Variants in ST8SIA1 observed in about 807,000 individuals in gnomAD.
ST8SIA1 encodes ST8 alpha-N-acetyl-neuraminide alpha-2,8-sialyltransferase 1, also known as alpha-N-acetylneuraminide alpha-2,8-sialyltransferase.
Under a neutral mutation model 35.9 loss-of-function variants are expected in ST8SIA1, and 16 were observed. The observed-to-expected ratio is 0.45, with a 90% CI of 0.30 to 0.68. The LOEUF (loss-of-function observed/expected upper bound fraction) is 0.68, where lower values mean the gene tolerates loss of function less well. Among genes scored for constraint, ST8SIA1 ranks in the 30% least tolerant of loss-of-function variants. The probability of loss-of-function intolerance (pLI) is 0.09; values close to 1 mark genes in which losing one functional copy is unlikely to be tolerated. For missense variants in ST8SIA1, 383 were observed against 453.6 expected (o/e 0.84, Z 1.41); for synonymous variants, 170 against 169.6 (o/e 1.00, Z -0.02).
chr12:22,219,926 C>A (rs1031748310), intron 4 of ST8SIA1, among the ~76,000 whole-genome samples: 6 of 152,136 alleles, frequency 3.9e-5, no homozygotes, highest in Admixed American at 1.3e-4. Context: ...TTCACATGAA[C>A]CTTTTTAATC....
Position 22,334,237 on chromosome 12 carries a change from G to A in ST8SIA1, c.-5C>T. 1 of 1,608,736 alleles carries A rather than the reference G, an allele frequency of 6.2e-7. No individual in the cohort carries two copies. The highest frequency in any genetic ancestry group is 8.5e-7 in the Non-Finnish European group (1 of 1,177,738). ...GGCCCGCCCGCAGGGGCTCATCGCA[G>A]CCCCGGCGTCCCAGGGGCGGGGGCC... On this transcript the variant is annotated 5_prime_UTR_variant, in exon 1 of 5. Coordinates refer to ENST00000396037, the MANE Select transcript of ST8SIA1 (RefSeq NM_003034.4).
chr12:22,210,489 A>G (rs79029916), intron 4 of ST8SIA1, among the ~76,000 whole-genome samples: 261 of 152,260 alleles, frequency 1.7e-3, no homozygotes, highest in African/African-American at 5.8e-3. Context: ...AATCAGTTTT[A>G]CAGCAGACAC....
chr12:22,273,373 A>G (rs1865934005), intron 2 of ST8SIA1, among the ~76,000 whole-genome samples: 2 of 152,184 alleles, frequency 1.3e-5, no homozygotes, highest in South Asian at 2.1e-4. Context: ...TCACAAATCA[A>G]TCAATACAAG....
intron 4 of ST8SIA1, among the ~76,000 whole-genome samples, chr12:22,210,985 T>C (rs1327130357): frequency 1.3e-5 from 2 of 152,238 alleles, no homozygotes; most frequent in Non-Finnish European, 2.9e-5. Flanking sequence ...TGTCATTTTC[T>C]TTTTTCTGTC....
intron 3 of ST8SIA1, among the ~76,000 whole-genome samples, chr12:22,252,953 G>C (rs970048313): frequency 1.3e-5 from 2 of 152,182 alleles, no homozygotes; most frequent in South Asian, 4.1e-4. Context: ...TCTGTGAGTT[G>C]AATACTACGT....
chr12:22,235,426 T>C (rs1865466433), intron 4 of ST8SIA1, among the ~76,000 whole-genome samples: 1 of 152,192 alleles, frequency 6.6e-6, no homozygotes, highest in Admixed American at 6.5e-5. Context: ...AATAAAGTAA[T>C]AGAAATATTC....
Position 22,197,277 on chromosome 12 carries a change from G to A in ST8SIA1, c.*4275C>T, listed in dbSNP as rs1316896232. On this transcript the variant is annotated 3_prime_UTR_variant, in exon 5 of 5. Coordinates refer to ENST00000396037, the MANE Select transcript of ST8SIA1 (RefSeq NM_003034.4). ...AAGTTTGCGTCAAGTTCACATAAAC[G>A]TCCTTACAGCTTTTGATCTTTGGAA... is the stretch of plus-strand genomic sequence containing the variant. The A allele has an allele frequency of 6.6e-6, 1 of 152,152 alleles. No individual in the cohort carries two copies. Among genetic ancestry groups the A allele is most frequent in the African/African-American group, 2.4e-5 (1 of 41,432 alleles). 9.4% of individuals were successfully genotyped at this position (152,152 alleles called of 1,614,324 possible).
chr12:22,329,619 C>A (rs1383869018), intron 1 of ST8SIA1, among the ~76,000 whole-genome samples: 2 of 152,138 alleles, frequency 1.3e-5, no homozygotes, highest in Non-Finnish European at 2.9e-5. Context: ...ATGGCTGCAC[C>A]TATGCTCCTC....
At chr12:22,292,304 C>T (rs1010284286) in intron 1 of ST8SIA1, among the ~76,000 whole-genome samples, 1 of 152,110 alleles carries the variant, frequency 6.6e-6, no homozygotes, top group African/African-American at 2.4e-5. Flanking sequence ...CTGCTTTATT[C>T]TTCTCTCTAG....
At chr12:22,288,432 C>T (rs1866130824) in intron 1 of ST8SIA1, among the ~76,000 whole-genome samples, 2 of 152,178 alleles carry the variant, frequency 1.3e-5, no homozygotes, top group African/African-American at 4.8e-5. Context: ...GTAGAGCAAA[C>T]ACTGAAAGTT....
chr12:22,288,035 A>C (rs970219632), intron 1 of ST8SIA1, among the ~76,000 whole-genome samples: 5 of 152,026 alleles, frequency 3.3e-5, no homozygotes, highest in Non-Finnish European at 7.4e-5. Context: ...CACTGGGGTA[A>C]CCTCACCCTT....
intron 2 of ST8SIA1, among the ~76,000 whole-genome samples, chr12:22,268,355 G>A (rs987624442): frequency 5.3e-5 from 8 of 152,194 alleles, no homozygotes; most frequent in South Asian, 2.1e-4. Context: ...CAATTCAAGC[G>A]GGTAACATAA....
In ST8SIA1 at chr12:22,232,334, C is replaced by T. The variant is rs543411745; in HGVS notation, c.584+16672G>A. Among the ~76,000 whole-genome samples, 24 of 152,112 alleles carry T rather than the reference C, an allele frequency of 1.6e-4. No individual in the cohort carries two copies. In the East Asian group the frequency reaches 1.9e-3, roughly 12 times the overall value. ...GGAGGTGAATAATGGTCATAAAATA[C>T]GAAAGTAGAGCCACCGTAATTTAGC... On this transcript the variant is annotated intron_variant, in intron 4 of 4. Transcript: ENST00000396037.
intron 1 of ST8SIA1, among the ~76,000 whole-genome samples, chr12:22,296,939 T>C (rs928208869): frequency 6.6e-5 from 10 of 152,188 alleles, no homozygotes; most frequent in African/African-American, 2.4e-4. Context: ...TGCTCCAAAC[T>C]GCAGGCAGTG....
intron 4 of ST8SIA1, among the ~76,000 whole-genome samples, chr12:22,218,275 G>T (rs1463562636): frequency 1.0e-4 from 15 of 149,218 alleles, no homozygotes; most frequent in East Asian, 4.0e-4. Flanking sequence ...AGTGGGCCGA[G>T]ATTATGCCAT....
At chr12:22,225,651 G>A (rs1865348592) in intron 4 of ST8SIA1, among the ~76,000 whole-genome samples, 1 of 152,138 alleles carries the variant, frequency 6.6e-6, no homozygotes, top group African/African-American at 2.4e-5. Flanking sequence ...TTTTCCGCAG[G>A]ACAGACCAAT....
intron 1 of ST8SIA1, among the ~76,000 whole-genome samples, chr12:22,291,775 G>T (rs1452465405): frequency 6.6e-6 from 1 of 152,068 alleles, no homozygotes; most frequent in East Asian, 1.9e-4. Flanking sequence ...ATTGCAAGAA[G>T]AAAATGCTGC....
intron 4 of ST8SIA1, among the ~76,000 whole-genome samples, chr12:22,245,540 T>C (rs1459635239): frequency 6.6e-6 from 1 of 152,246 alleles, no homozygotes; most frequent in Non-Finnish European, 1.5e-5. Context: ...ACTGTCTCCT[T>C]GTGCAACACA....
chr12:22,259,961 C>G (rs1027798316), intron 2 of ST8SIA1, among the ~76,000 whole-genome samples: 1 of 152,030 alleles, frequency 6.6e-6, no homozygotes, highest in Non-Finnish European at 1.5e-5. Context: ...ACTATTTTAA[C>G]AGAGAATATT....
Sources: allele counts gnomAD v4.1 joint callset (sites outside exome capture counted in the v4.1 genomes callset), GRCh38; gene constraint gnomAD v4.1.1; transcripts MANE v1.5; gene names NCBI Gene and HGNC (gene_info 2026-07-23, HGNC 2026-07-21).